The following PIH1D2 variants were observed in gnomAD, a reference collection of about 807,000 sequenced individuals.
PIH1D2 encodes PIH1 domain-containing protein 2.
In PIH1D2, 25 loss-of-function variants were observed where a neutral mutation model predicts 31.2. The ratio of observed to expected loss-of-function variants is 0.80; its 90% CI spans 0.58 to 1.12. PIH1D2 has a LOEUF of 1.12. PIH1D2 is among the 50% of genes most tolerant of loss of function. The probability of loss-of-function intolerance (pLI) is 0.00; values close to 1 mark genes in which losing one functional copy is unlikely to be tolerated. For synonymous variants in PIH1D2, 116 were observed against 119.9 expected (o/e 0.97, Z 0.21); for missense variants, 310 against 356.6 (o/e 0.87, Z 1.05).
Position 112,067,849 on chromosome 11 carries a change from C to G in PIH1D2, c.*22G>C. 6.2e-7 allele frequency: 1 copy of G among 1,610,452 alleles called. No homozygotes were observed. The highest frequency in any genetic ancestry group is 8.5e-7 in the Non-Finnish European group (1 of 1,179,082). ...TCACATGACTTTAGCACTGAAAACC[C>G]AAAACATATGATGCTCTTCTTTCAC... is the stretch of plus-strand genomic sequence containing the variant. On this transcript the variant is annotated 3_prime_UTR_variant, in exon 6 of 6. Transcript: ENST00000280350.
chr11:112,073,766 C>T (rs551477807), intron 1 of PIH1D2, among the ~76,000 whole-genome samples: 1 of 152,166 alleles, frequency 6.6e-6, no homozygotes, highest in Non-Finnish European at 1.5e-5. Context: ...CACTTCTCTA[C>T]GTCTTCAGAT....
At position 112,072,820 on chromosome 11, in the gene PIH1D2, C is replaced by A. The variant is rs1555184927; in HGVS notation, c.177+178G>T. 6.3e-6 allele frequency: 4 copies of A among 639,040 alleles called. No homozygotes were observed. In the Admixed American group the frequency reaches 1.3e-4, roughly 20 times the overall value. 39.6% of individuals were successfully genotyped at this position (639,040 alleles called of 1,614,324 possible). On this transcript the variant is annotated intron_variant, in intron 2 of 5. Coordinates refer to ENST00000280350, the MANE Select transcript of PIH1D2 (RefSeq NM_138789.4). ...CAGAGGTTGCAGCGAGCCAAGACCA[C>A]ACCATTGCACTCCAGCCTGGTGACA...
At chr11:112,065,079 A>T (rs2135189538), downstream of PIH1D2, among the ~76,000 whole-genome samples, 1 of 151,946 alleles carries the variant, frequency 6.6e-6, no homozygotes, top group East Asian at 1.9e-4. Context: ...TGACCTTGTG[A>T]TCTGCCCACC....
chr11:112,068,852 A>T (rs1865015735), intron 5 of PIH1D2, among the ~76,000 whole-genome samples: 2 of 152,024 alleles, frequency 1.3e-5, no homozygotes, highest in Non-Finnish European at 1.5e-5. Context: ...TGAAAAGTGG[A>T]ACTAATTTTT....
At chr11:112,071,443 G>C (rs1199429661) in intron 3 of PIH1D2, among the ~76,000 whole-genome samples, 160 bp from the exon 4 acceptor site, 3 of 152,138 alleles carry the variant, frequency 2.0e-5, no homozygotes, top group Admixed American at 2.0e-4. Flanking sequence ...ACATTTCTTG[G>C]CACTTTTGCA....
downstream of PIH1D2, among the ~76,000 whole-genome samples, chr11:112,065,159 AAAAG>A (rs1422066812): frequency 6.6e-6 from 1 of 152,170 alleles, no homozygotes; most frequent in Non-Finnish European, 1.5e-5. Context: ...AATTTTGAGA[AAAAG>A]AAATCTCAGT....
intron 5 of PIH1D2, 175 bp downstream of exon 5, chr11:112,070,261 T>C (rs1272456957): frequency 8.5e-6 from 6 of 709,216 alleles, no homozygotes; most frequent in Non-Finnish European, 1.4e-5. Context: ...TTGATCATTC[T>C]ATTTTCCCTT....
rs782723875 is a variant in PIH1D2, at chr11:112,070,449, A to AG, written c.799dup (p.Leu267ProfsTer2). 1 of 1,613,896 alleles carries AG rather than the reference A, an allele frequency of 6.2e-7. No homozygotes were observed. The highest frequency in any genetic ancestry group is 8.5e-7 in the Non-Finnish European group (1 of 1,179,846). On this transcript the variant is annotated frameshift_variant, in exon 5 of 6. Transcript: ENST00000280350. LOFTEE classifies it high-confidence loss of function. ...TATTCAACTTACCTCAGAAACACTA[A>AG]GGTCACAGAGAGAGACAGAATTAAT...
chr11:112,062,996 A>C (rs1440785755), downstream of PIH1D2: 1 of 159,518 alleles, frequency 6.3e-6, no homozygotes, highest in African/African-American at 2.4e-5. Flanking sequence ...TTGAAGCTTT[A>C]CTTTAGAATT....
chr11:112,073,310 G>A lies in PIH1D2; in HGVS notation c.-31-105C>T, dbSNP rs1865206874. 2.6e-5 allele frequency: 19 copies of A among 736,716 alleles called. 1 individual carries two copies. In the South Asian group the frequency reaches 4.6e-4, roughly 18 times the overall value. 45.6% of individuals were successfully genotyped at this position (736,716 alleles called of 1,614,324 possible). ...TCAGGAATTGTTTTGGTGAAGTTAG[G>A]ACAGCATTTGTGTCTAAAAGGTTGT... On this transcript the variant is annotated intron_variant, in intron 1 of 5. Transcript: ENST00000280350.
downstream of PIH1D2, chr11:112,064,196 G>C (rs782067312): frequency 6.4e-7 from 1 of 1,565,854 alleles, no homozygotes; most frequent in South Asian, 1.2e-5. Flanking sequence ...TTCATCTTTC[G>C]CTAATGCTTG....
chr11:112,052,662 T>G, the PIH1D2 span, among the ~76,000 whole-genome samples: 2 of 152,086 alleles, frequency 1.3e-5, no homozygotes, highest in African/African-American at 4.8e-5. Flanking sequence ...TCATTAAATC[T>G]TGTTGAAGGG....
downstream of PIH1D2, chr11:112,059,778 T>C: frequency 4.1e-6 from 3 of 735,180 alleles, no homozygotes; most frequent in Non-Finnish European, 6.4e-6. Context: ...TTTTTGTCTT[T>C]GGCTGAACAA....
chr11:112,067,685 A>AAAAAAAAAAAATATATATATATAT, downstream of PIH1D2: 4 of 17,798 alleles, frequency 2.2e-4, no homozygotes, highest in Non-Finnish European at 2.2e-4. Flanking sequence ...AAAAAAAAAA[A>AAAAAAAAAAAATATATATATATAT]ATATATATAT....
At chr11:112,072,790 G>T in intron 2 of PIH1D2, 1 of 447,820 alleles carries the variant, frequency 2.2e-6, no homozygotes, top group South Asian at 4.0e-5. Context: ...CTTAAACCCG[G>T]GAGGCAGAGG....
intron 5 of PIH1D2, among the ~76,000 whole-genome samples, chr11:112,069,574 G>A (rs1036165130): frequency 5.3e-5 from 8 of 151,984 alleles, no homozygotes; most frequent in African/African-American, 1.4e-4. Flanking sequence ...CACATTCTCC[G>A]ATACTCTTCA....
chr11:112,060,402 C>T (rs1368303160), downstream of PIH1D2, among the ~76,000 whole-genome samples: 3 of 151,698 alleles, frequency 2.0e-5, no homozygotes, highest in African/African-American at 4.8e-5. Flanking sequence ...CCTTGTGATC[C>T]GCCTGCCTCA....
intron 5 of PIH1D2, among the ~76,000 whole-genome samples, chr11:112,068,214 A>G (rs1473175006): frequency 3.3e-5 from 5 of 152,218 alleles, no homozygotes; most frequent in African/African-American, 4.8e-5. Flanking sequence ...ACAGTACCAC[A>G]GTAGAGTGTT....
chr11:112,069,007 T>TG (rs1336058340), intron 5 of PIH1D2, among the ~76,000 whole-genome samples: 1 of 144,358 alleles, frequency 6.9e-6, no homozygotes, highest in African/African-American at 2.7e-5. Flanking sequence ...TGTTTTTTTT[T>TG]TTTTGAGGGG....
Sources: gnomAD v4.1 joint callset for allele counts (sites outside exome capture counted in the v4.1 genomes callset) on GRCh38, gnomAD v4.1.1 for gene constraint, MANE v1.5 for transcripts, NCBI Gene and HGNC (gene_info 2026-07-23, HGNC 2026-07-21) for gene names.